ACLY: variants seen among roughly 807,000 people sequenced by gnomAD.
The protein encoded by ACLY is ATP-citrate synthase.
In ACLY, 41 loss-of-function variants were observed where a neutral mutation model predicts 133.0. That is an observed-to-expected ratio of 0.31 (90% CI 0.24 to 0.40). The LOEUF (loss-of-function observed/expected upper bound fraction) is 0.40, where lower values mean the gene tolerates loss of function less well. Among genes scored for constraint, ACLY ranks in the 10% least tolerant of loss-of-function variants. ACLY has a pLI of 1.00. For missense variants in ACLY, 1,046 were observed against 1,453.8 expected (o/e 0.72, Z 4.56); for synonymous variants, 495 against 549.3 (o/e 0.90, Z 1.38).
chr17:41,921,099 G>A (rs372626287), upstream of ACLY, among the ~76,000 whole-genome samples: 4 of 146,666 alleles, frequency 2.7e-5, no homozygotes, highest in East Asian at 4.0e-4. Context: ...GCACTCTAGC[G>A]GGGGCAACAA....
chr17:41,923,151 G>C (rs772529263), upstream of ACLY, among the ~76,000 whole-genome samples: 2 of 152,148 alleles, frequency 1.3e-5, no homozygotes, highest in Non-Finnish European at 2.9e-5. Context: ...GGCTAACATG[G>C]CAAAACCCCC....
intron 11 of ACLY, 116 bp from the exon 12 acceptor site, chr17:41,898,901 A>G: frequency 2.0e-6 from 2 of 1,010,828 alleles, no homozygotes; most frequent in South Asian, 3.3e-5. Context: ...CATTCAGTGC[A>G]AGACCAATAT....
chr17:41,913,047 TC>T (rs1478966558), intron 2 of ACLY, among the ~76,000 whole-genome samples: 2 of 152,036 alleles, frequency 1.3e-5, no homozygotes, highest in Non-Finnish European at 2.9e-5. Context: ...GCCAGGAAAC[TC>T]CCTCCATCCC....
chr17:41,876,170 C>T lies in ACLY; in HGVS notation c.2487+1933G>A, dbSNP rs1263670040. Among the ~76,000 whole-genome samples, 20 of 152,090 alleles carry T rather than the reference C, an allele frequency of 1.3e-4. No individual in the cohort carries two copies. The South Asian group carries it at 4.2e-3, about 32-fold the overall frequency. On this transcript the variant is annotated intron_variant, in intron 22 of 28. Transcript: ENST00000352035. ...CCCATCTGAGAAGTGAGGAGCCCCT[C>T]CGCCCGGCAGCCACCCCGTCTGGGA...
At position 41,906,593 on chromosome 17, in the gene ACLY, G is replaced by C; in HGVS notation, c.801C>G (p.Thr267=). ...AGATCCTCCCTTTGGGGTTCAGCAA[G>C]GTCAGCTTCAGGCTTGCCCCACTTT... The part of the protein sequence containing the change: ...DAKSGASLKL[T]LLNPKGRIWT... The change falls in exon 8 of 29, where the codon ACC becomes ACG. Residue 267 remains threonine, a synonymous_variant. Coordinates refer to ENST00000352035, the MANE Select transcript of ACLY (RefSeq NM_001096.3). 1 of 1,614,204 alleles carries C rather than the reference G, an allele frequency of 6.2e-7. No individual in the cohort carries two copies.
chr17:41,918,360 G>A (rs1196126230), intron 1 of ACLY, among the ~76,000 whole-genome samples: 2 of 152,232 alleles, frequency 1.3e-5, no homozygotes, highest in Non-Finnish European at 1.5e-5. Flanking sequence ...GGCGCGCATA[G>A]CTCATTCTCT....
chr17:41,905,510 C>A lies in ACLY; in HGVS notation c.1003+12G>T. 1 of 1,614,140 alleles carries A rather than the reference C, an allele frequency of 6.2e-7. No homozygotes were observed. The highest frequency in any genetic ancestry group is 8.5e-7 in the Non-Finnish European group (1 of 1,179,992). On this transcript the variant is annotated intron_variant, in intron 9 of 28. Transcript: ENST00000352035. Reference sequence around the variant, plus strand: ...AAGTGGGGACAGGTATGTGTGTGTGCAAGTATCTCACCATCTGGGTGCTTC... The same window carrying A: ...AAGTGGGGACAGGTATGTGTGTGTGAAAGTATCTCACCATCTGGGTGCTTC...
chr17:41,892,308 T>C lies in ACLY; in HGVS notation c.1741A>G (p.Ser581Gly), dbSNP rs782395417. 1 of 1,559,650 alleles carries C rather than the reference T, an allele frequency of 6.4e-7. No individual in the cohort carries two copies. The change falls in exon 16 of 29, where the codon AGC (serine) becomes GGC (glycine). Residue 581 changes from serine (S) to glycine (G), a missense_variant. Coordinates refer to ENST00000352035, the MANE Select transcript of ACLY (RefSeq NM_001096.3). ...NFASLRSAYD[S>G]TMETMNYAQI... is the part of the protein sequence containing the mutation. ...GCATAGTTCATGGTCTCCATGGTGC[T>C]GTCATAGGCAGAGCGGAGAGAGGCA...
At chr17:41,869,010 C>T in intron 27 of ACLY, 33 bp downstream of exon 27, 1 of 1,563,056 alleles carries the variant, frequency 6.4e-7, no homozygotes, top group Non-Finnish European at 8.8e-7. Flanking sequence ...AATCAACAAA[C>T]GTAATGAAGA....
chr17:41,902,907 G>A (rs1442215668), intron 10 of ACLY, among the ~76,000 whole-genome samples: 2 of 152,114 alleles, frequency 1.3e-5, no homozygotes, highest in Non-Finnish European at 2.9e-5. Context: ...GCTCACTGCA[G>A]CCTCAACCTC....
At position 41,867,604 on chromosome 17, in the gene ACLY, G is replaced by T; in HGVS notation, c.*206C>A. On this transcript the variant is annotated 3_prime_UTR_variant, in exon 29 of 29. Coordinates refer to ENST00000352035, the MANE Select transcript of ACLY (RefSeq NM_001096.3). Reference sequence around the variant, plus strand: ...ATATTGGCTTGGTTTTTATTTCTATGCTTATAAAAAAAATATGAAGCTTCT... The same window carrying T: ...ATATTGGCTTGGTTTTTATTTCTATTCTTATAAAAAAAATATGAAGCTTCT... The T allele has an allele frequency of 2.6e-6, 1 of 384,360 alleles. No homozygotes were observed. The highest frequency in any genetic ancestry group is 4.7e-6 in the Non-Finnish European group (1 of 214,910). 23.8% of individuals were successfully genotyped at this position (384,360 alleles called of 1,614,324 possible). A position where few individuals can be genotyped will look rare whatever the true frequency, so the allele number is the denominator to read the frequency against.
intron 10 of ACLY, among the ~76,000 whole-genome samples, chr17:41,903,208 T>C (rs556041118): frequency 6.6e-6 from 1 of 152,198 alleles, no homozygotes; most frequent in Non-Finnish European, 1.5e-5. Context: ...TCACTGAGCA[T>C]CTGACAGCAT....
Position 41,928,318 on chromosome 17 carries a change from C to G in ACLY, c.-28+2040G>C, listed in dbSNP as rs528985352. Among the ~76,000 whole-genome samples, 5 of 152,208 alleles carry G rather than the reference C, an allele frequency of 3.3e-5. No individual in the cohort carries two copies. In the South Asian group the frequency reaches 1.0e-3, roughly 32 times the overall value. On this transcript the variant is annotated intron_variant, in intron 1 of 3. Coordinates refer to the ACLY transcript ENST00000592970. The stretch of plus-strand genomic sequence containing the variant: ...AGAGTATCCTTTCTCCATTGAATCT[C>G]TTTGGCAACTTCATTGAACATCAAT...
intron 22 of ACLY, among the ~76,000 whole-genome samples, chr17:41,875,832 T>G (rs1376507164): frequency 6.6e-6 from 1 of 152,110 alleles, no homozygotes; most frequent in Non-Finnish European, 1.5e-5. Flanking sequence ...CCTCCCAAAG[T>G]GCCGAGATTG....
chr17:41,889,475 C>T lies in ACLY; in HGVS notation c.1771-1772G>A, dbSNP rs113149153. 3.6e-4 allele frequency among the ~76,000 whole-genome samples: 44 copies of T among 123,370 alleles called. 1 individual carries two copies. The highest frequency in any genetic ancestry group is 1.2e-3 in the African/African-American group (39 of 33,222). 80.9% of individuals were successfully genotyped at this position (123,370 alleles called of 152,430 possible). A position where few individuals can be genotyped will look rare whatever the true frequency, so the allele number is the denominator to read the frequency against. On this transcript the variant is annotated intron_variant, in intron 16 of 28. Coordinates refer to ENST00000352035, the MANE Select transcript of ACLY (RefSeq NM_001096.3). ...TGGAGGTTGCAGTGAACTGAGATCA[C>T]GCCGCTGTACTCACTCTAGCTTGGG...
Position 41,886,289 on chromosome 17 carries a change from C to T in ACLY, c.1895G>A (p.Gly632Glu), listed in dbSNP as rs2049045349. Residue 632 changes from glycine to glutamate, a missense_variant, in exon 18 of 29, where the codon GGG becomes GAG. Gly to Glu is a moderately conservative substitution (Grantham distance 98, BLOSUM62 -2). Coordinates refer to ENST00000352035, the MANE Select transcript of ACLY (RefSeq NM_001096.3). ...ACCTGTGTTGCCAATCTTAAAGCACCCAGGCTTGATGCCTCCAACCTGTGG... is the reference window on the plus strand; with the variant it reads ...ACCTGTGTTGCCAATCTTAAAGCACTCAGGCTTGATGCCTCCAACCTGTGG... ...GPATVGGIKP[G>E]CFKIGNTGGM... 1.2e-6 allele frequency: 2 copies of T among 1,612,232 alleles called. No individual in the cohort carries two copies. The highest frequency in any genetic ancestry group is 1.3e-5 in the African/African-American group (1 of 74,896).
At chr17:41,925,656 G>C (rs1325325161) in intron 1 of ACLY, among the ~76,000 whole-genome samples, 5 of 151,964 alleles carry the variant, frequency 3.3e-5, no homozygotes, top group African/African-American at 1.2e-4. Flanking sequence ...GTGTTGAGAA[G>C]GAAGTGGGGG....
chr17:41,928,310 T>C (rs561774239), intron 1 of ACLY, among the ~76,000 whole-genome samples: 5 of 152,302 alleles, frequency 3.3e-5, no homozygotes, highest in South Asian at 2.1e-4. Flanking sequence ...CCTTTCTCCA[T>C]TGAATCTCTT....
At chr17:41,909,461 C>A (rs201391626) in intron 5 of ACLY, 49 bp downstream of exon 5, 316 of 1,586,230 alleles carry the variant, frequency 2.0e-4, no homozygotes, top group Non-Finnish European at 2.6e-4. Context: ...CAGAGCCTGT[C>A]GGTCTTCTCA....
Sources: allele counts gnomAD v4.1 joint callset (sites outside exome capture counted in the v4.1 genomes callset), GRCh38; gene constraint gnomAD v4.1.1; transcripts MANE v1.5; gene names NCBI Gene and HGNC (gene_info 2026-07-23, HGNC 2026-07-21).